GLA: variants seen among roughly 807,000 people sequenced by gnomAD.
GLA encodes galactosidase alpha.
A neutral mutation model predicts 28.2 loss-of-function variants in GLA; 4 were observed. That is an observed-to-expected ratio of 0.14 (90% CI 0.07 to 0.32). The LOEUF (loss-of-function observed/expected upper bound fraction) is 0.32, where lower values mean the gene tolerates loss of function less well. Among genes scored for constraint, GLA ranks in the 10% least tolerant of loss-of-function variants. GLA has a pLI of 1.00. For synonymous variants in GLA, 94 were observed against 113.0 expected, an observed-to-expected ratio of 0.83 and a Z score of 1.07; for missense variants, 203 against 323.7, an observed-to-expected ratio of 0.63 and a Z score of 2.86.
At chrX:101,405,980 G>A (rs112594843) in intron 1 of GLA, among the ~76,000 whole-genome samples, 9 of 96,534 alleles carry the variant, frequency 9.3e-5, no homozygotes, top group African/African-American at 2.4e-4. Flanking sequence ...TGAGGCGGGC[G>A]AATCACGAGG....
chrX:101,399,218 C>A (rs1928208891), intron 4 of GLA, among the ~76,000 whole-genome samples: 1 of 112,407 alleles, frequency 8.9e-6, no homozygotes, highest in Admixed American at 9.5e-5. Flanking sequence ...ACATAGGACT[C>A]CATCAAGTAT....
At chrX:101,407,529 CAG>C (rs781816083) in intron 1 of GLA, among the ~76,000 whole-genome samples, 179 bp downstream of exon 1, 1 of 111,271 alleles carries the variant, frequency 9.0e-6, no homozygotes, top group Non-Finnish European at 1.9e-5. Context: ...AAAGGTCACA[CAG>C]AGAAAGTTTA....
intron 2 of GLA, among the ~76,000 whole-genome samples, chrX:101,403,021 T>C (rs915450623): frequency 1.4e-4 from 15 of 109,976 alleles, no homozygotes; most frequent in African/African-American, 4.6e-4. Context: ...ATTTGTAGGC[T>C]AGGCGCGGTG....
intron 2 of GLA, among the ~76,000 whole-genome samples, chrX:101,403,026 G>C (rs782661731): frequency 9.0e-6 from 1 of 110,507 alleles, no homozygotes; most frequent in Non-Finnish European, 1.9e-5. Flanking sequence ...TAGGCTAGGC[G>C]CGGTGGCTCA....
rs398123224 is a variant in GLA at position 101,398,468 on chromosome X, G to C, written c.901C>G (p.Arg301Gly). ...AAPLFMSNDL[R>G]HISPQAKALL... ...GCTTTGGCTTGAGGGCTGATGTGTC[G>C]GAGGTCATTAGACATGAATAAAGGA... The change falls in exon 6 of 7, where the codon CGA (arginine) becomes GGA (glycine). Residue 301 changes from arginine to glycine, a missense_variant. By Grantham distance (125) the Arg-to-Gly change is moderately radical. Transcript: ENST00000218516. 5 of 1,204,534 alleles carry C rather than the reference G, an allele frequency of 4.2e-6. No individual in the cohort carries two copies. The highest frequency in any genetic ancestry group is 5.6e-6 in the Non-Finnish European group (5 of 889,074).
At chrX:101,407,037 T>C (rs1928541817) in intron 1 of GLA, among the ~76,000 whole-genome samples, 2 of 112,322 alleles carry the variant, frequency 1.8e-5, no homozygotes, top group South Asian at 7.2e-4. Context: ...GGGTCAGATA[T>C]GTTCAATACC....
chrX:101,403,167 C>G (rs1024012472), intron 2 of GLA, among the ~76,000 whole-genome samples: 1 of 107,040 alleles, frequency 9.3e-6, no homozygotes, highest in East Asian at 3.0e-4. Context: ...GGCATGGTGG[C>G]GGGTGCCTGT....
chrX:101,406,558 C>T lies in GLA; in HGVS notation c.194+1152G>A, dbSNP rs539066318. ...ATGCAAATACCAATAAAAAAAAATC[C>T]GTGATGGGCAAAATTGCCACACATA... On this transcript the variant is annotated intron_variant, in intron 1 of 6. Transcript: ENST00000218516. Among the ~76,000 whole-genome samples the T allele has an allele frequency of 7.2e-4, 80 of 111,443 alleles. No homozygotes were observed. The South Asian group carries it at 0.028, about 38-fold the overall frequency.
chrX:101,405,842 C>T lies in GLA; in HGVS notation c.195-1857G>A, dbSNP rs185503764. On this transcript the variant is annotated intron_variant, in intron 1 of 6. Coordinates refer to ENST00000218516, the MANE Select transcript of GLA (RefSeq NM_000169.3). Reference sequence around the variant, plus strand: ...CTACGACAGGAGAACTGCTTAAACCCGGGAGGTGGAGTTTGCACTGAGCAG... The same window carrying T: ...CTACGACAGGAGAACTGCTTAAACCTGGGAGGTGGAGTTTGCACTGAGCAG... Among the ~76,000 whole-genome samples the T allele has an allele frequency of 3.8e-4, 41 of 107,893 alleles. No individual in the cohort carries two copies. In the East Asian group the frequency reaches 0.012, roughly 30 times the overall value. 93.7% of individuals were successfully genotyped at this position (107,893 alleles called of 115,157 possible). A position where few individuals can be genotyped will look rare whatever the true frequency, so the allele number is the denominator to read the frequency against.
rs869312417 is a variant in GLA, at chrX:101,398,711, G to T, written c.801+74C>A. On this transcript the variant is annotated intron_variant, in intron 5 of 6. Transcript: ENST00000218516. The stretch of plus-strand genomic sequence containing the variant: ...AAGCCTCCTCCCAGGAACTTTACCT[G>T]TATTTACCTTGAATGTCAAAATAGG... The T allele has an allele frequency of 2.7e-6, 3 of 1,114,324 alleles. No homozygotes were observed. In the Admixed American group the frequency reaches 6.5e-5, roughly 24 times the overall value. 91.8% of individuals were successfully genotyped at this position (1,114,324 alleles called of 1,213,427 possible). A position where few individuals can be genotyped will look rare whatever the true frequency, so the allele number is the denominator to read the frequency against.
At chrX:101,400,022 CAGAA>C (rs1206980568) in intron 4 of GLA, among the ~76,000 whole-genome samples, 2 of 110,878 alleles carry the variant, frequency 1.8e-5, no homozygotes, top group Non-Finnish European at 3.8e-5. Context: ...TGTTGAGGGA[CAGAA>C]AGAAAACCAG....
intron 1 of GLA, among the ~76,000 whole-genome samples, chrX:101,405,231 C>A (rs1603045191): frequency 1.4e-5 from 1 of 69,171 alleles, no homozygotes; most frequent in Non-Finnish European, 2.6e-5. Flanking sequence ...AGCGAAACTC[C>A]AGCTCAAAAA....
chrX:101,404,071 A>T (rs929665863), intron 1 of GLA, 86 bp from the exon 2 acceptor site: 1 of 838,131 alleles, frequency 1.2e-6, no homozygotes, highest in Non-Finnish European at 1.8e-6. Context: ...GGGATTTCAC[A>T]ATTTTTTCCA....
At chrX:101,401,851 C>A (rs1555985880) in intron 2 of GLA, 42 bp from the exon 3 acceptor site, 2 of 1,116,614 alleles carry the variant, frequency 1.8e-6, no homozygotes, top group Non-Finnish European at 2.5e-6. Flanking sequence ...TGTAGAAGCA[C>A]AATCGTGAGG....
chrX:101,400,797 G>T, intron 3 of GLA, 40 bp from the exon 4 acceptor site: 1 of 710,659 alleles, frequency 1.4e-6, no homozygotes, highest in Non-Finnish European at 2.3e-6. Flanking sequence ...GGAAAGAAAT[G>T]AATTTCCAGC....
At chrX:101,399,518 G>A (rs1555985295) in intron 4 of GLA, among the ~76,000 whole-genome samples, 1 of 112,220 alleles carries the variant, frequency 8.9e-6, no homozygotes, top group African/African-American at 3.2e-5. Context: ...GAGCCGAGAT[G>A]GCGCCACTGC....
chrX:101,407,896 A>G lies in GLA; in HGVS notation c.8T>C (p.Leu3Pro), dbSNP rs150547672. The G allele has an allele frequency of 1.6e-4, 192 of 1,208,132 alleles. 2 individuals carry two copies. The African/African-American group carries it at 3.1e-3, about 20-fold the overall frequency. Reference protein sequence around the residue: MQLRNPELHLGCA... With the variant: MQPRNPELHLGCA... ...GCCCAGATGTAGTTCTGGGTTCCTCAGCTGCATTGTCACGGTGACCGGACA... is the reference window on the plus strand; with the variant it reads ...GCCCAGATGTAGTTCTGGGTTCCTCGGCTGCATTGTCACGGTGACCGGACA... Residue 3 changes from leucine (L) to proline (P), a missense_variant, in exon 1 of 7, where the codon CTG becomes CCG. By Grantham distance (98) the Leu-to-Pro change is moderately conservative. This residue lies in a region of GLA where 30 missense variants were observed against 32.2 expected (regional missense o/e 0.93). Transcript: ENST00000218516.
chrX:101,397,972 A>T lies in GLA; in HGVS notation c.1127T>A (p.Val376Glu), dbSNP rs1555984793. 1 of 1,209,400 alleles carries T rather than the reference A, an allele frequency of 8.3e-7. No individual in the cohort carries two copies. Among genetic ancestry groups the T allele is most frequent in the Non-Finnish European group, 1.1e-6 (1 of 894,648 alleles). ...GATGAAGCAGGCAGGATTACAGGCCACTCCTTTACCCAGGGAAGCAACTGC... is the reference window on the plus strand; with the variant it reads ...GATGAAGCAGGCAGGATTACAGGCCTCTCCTTTACCCAGGGAAGCAACTGC... Reference protein sequence around the residue: ...TIAVASLGKGVACNPACFITQ... With the variant: ...TIAVASLGKGEACNPACFITQ... Residue 376 changes from valine to glutamate, a missense_variant, in exon 7 of 7, where the codon GTG becomes GAG. Coordinates refer to ENST00000218516, the MANE Select transcript of GLA (RefSeq NM_000169.3).
intron 4 of GLA, among the ~76,000 whole-genome samples, chrX:101,399,228 T>C (rs782182975): frequency 8.9e-5 from 10 of 112,590 alleles, no homozygotes; most frequent in Non-Finnish European, 1.7e-4. Context: ...CCATCAAGTA[T>C]TAAGAAAACT....
Sources: gnomAD v4.1 joint callset for allele counts (sites outside exome capture counted in the v4.1 genomes callset) on GRCh38, gnomAD v4.1.1 for gene constraint, gnomAD v4.1.1 regional missense constraint, MANE v1.5 for transcripts, NCBI Gene and HGNC (gene_info 2026-07-23, HGNC 2026-07-21) for gene names.